MLLT1: variants seen among roughly 807,000 people sequenced by gnomAD.
The protein encoded by MLLT1 is protein ENL.
Under a neutral mutation model 55.1 loss-of-function variants are expected in MLLT1, and 11 were observed. That is an observed-to-expected ratio of 0.20 (90% CI 0.13 to 0.33). The LOEUF (loss-of-function observed/expected upper bound fraction) is 0.33. Ranked by LOEUF, MLLT1 falls within the 10% of genes least tolerant of loss-of-function variation. MLLT1 has a pLI of 1.00. For missense variants in MLLT1, 536 were observed against 760.6 expected, an observed-to-expected ratio of 0.70 and a Z score of 3.47; for synonymous variants, 323 against 320.1, an observed-to-expected ratio of 1.01 and a Z score of -0.10.
At position 6,213,739 on chromosome 19, in the gene MLLT1, C is replaced by T. The variant is rs754335964; in HGVS notation, c.1466G>A (p.Gly489Asp). The change falls in exon 10 of 12, where the codon GGC becomes GAC. Residue 489 changes from glycine to aspartate, a missense_variant. Gly to Asp is a moderately conservative substitution (Grantham distance 94). Transcript: ENST00000252674. ...GTGCCCCCCCACCTTGTCGTAGGTGCCCTTCTTGAGGATCTTCTCAGGCTT... is the reference window on the plus strand; with the variant it reads ...GTGCCCCCCCACCTTGTCGTAGGTGTCCTTCTTGAGGATCTTCTCAGGCTT... The part of the protein sequence containing the change: ...CSKPEKILKK[G>D]TYDKAYTDEL... 2.0e-6 allele frequency: 3 copies of T among 1,519,594 alleles called. No homozygotes were observed. The highest frequency in any genetic ancestry group is 2.7e-6 in the Non-Finnish European group (3 of 1,126,766). The allele number at this position is 1,519,594 out of a possible 1,614,324, so 94.1% of individuals were successfully genotyped here. A position where few individuals can be genotyped will look rare whatever the true frequency, so the allele number is the denominator to read the frequency against.
At chr19:6,268,983 G>T (rs1366661440) in intron 2 of MLLT1, among the ~76,000 whole-genome samples, 1 of 152,226 alleles carries the variant, frequency 6.6e-6, no homozygotes, top group Non-Finnish European at 1.5e-5. Flanking sequence ...GGAAATCAGC[G>T]TCCGGGGCCC....
intron 3 of MLLT1, among the ~76,000 whole-genome samples, chr19:6,247,207 T>C (rs1388931466): frequency 6.6e-6 from 1 of 152,190 alleles, no homozygotes. Flanking sequence ...GGTGGTTTCC[T>C]AGCTCTGTCA....
intron 8 of MLLT1, 89 bp downstream of exon 8, chr19:6,216,315 AC>A (rs2090842769): frequency 1.0e-6 from 1 of 982,222 alleles, no homozygotes; most frequent in Non-Finnish European, 1.6e-6. Flanking sequence ...TCCAGTCCCA[AC>A]CCCACCTGCA....
intron 5 of MLLT1, among the ~76,000 whole-genome samples, chr19:6,225,452 T>C (rs144219594): frequency 0.018 from 2,709 of 152,294 alleles, 38 homozygotes; most frequent in Middle Eastern, 0.051. Context: ...AGAGGCCGGT[T>C]CATGGGCCTG....
chr19:6,230,398 G>A lies in MLLT1; in HGVS notation c.420+172C>T, dbSNP rs2233190. Among the ~76,000 whole-genome samples the A allele has an allele frequency of 1.9e-3, 292 of 152,284 alleles. 2 individuals are homozygous for A. Among genetic ancestry groups the A allele is most frequent in the African/African-American group, 6.2e-3 (259 of 41,574 alleles). On this transcript the variant is annotated intron_variant, in intron 4 of 11. Transcript: ENST00000252674. This position sits in a 1 kb window ranked among gnomAD's most constrained non-coding sequence, Gnocchi z 9.0. ...GAGTCACCTGCAGCCACCACGCCCC[G>A]GCACAGGTTGTGGAGCTCCCAGGTC...
intron 3 of MLLT1, among the ~76,000 whole-genome samples, chr19:6,257,556 T>C (rs980805441): frequency 1.3e-5 from 2 of 152,140 alleles, no homozygotes; most frequent in African/African-American, 4.8e-5. Flanking sequence ...ATCCCAGCAC[T>C]TTGGGAGGCC....
At chr19:6,213,298 C>T in intron 11 of MLLT1, 39 bp downstream of exon 11, 1 of 1,611,354 alleles carries the variant, frequency 6.2e-7, no homozygotes, top group South Asian at 1.1e-5. Flanking sequence ...TCACAGGCAC[C>T]CCGACCTCTG....
intron 3 of MLLT1, among the ~76,000 whole-genome samples, chr19:6,257,836 C>T (rs1302220766): frequency 2.0e-5 from 3 of 152,126 alleles, no homozygotes; most frequent in Non-Finnish European, 4.4e-5. Flanking sequence ...ATGGATATAT[C>T]TAGACATTTC....
chr19:6,218,591 G>T (rs899275993), intron 6 of MLLT1, among the ~76,000 whole-genome samples: 1 of 152,224 alleles, frequency 6.6e-6, no homozygotes, highest in African/African-American at 2.4e-5. Flanking sequence ...GTGCACAGGG[G>T]ACAGAAGCCA....
intron 3 of MLLT1, among the ~76,000 whole-genome samples, chr19:6,243,210 C>A (rs960914967): frequency 6.6e-6 from 1 of 152,190 alleles, no homozygotes; most frequent in African/African-American, 2.4e-5. Context: ...AGTCCCAGCC[C>A]GAGCAGGGCC....
intron 6 of MLLT1, among the ~76,000 whole-genome samples, chr19:6,218,274 G>C (rs1248570992): frequency 6.6e-6 from 1 of 152,240 alleles, no homozygotes; most frequent in Non-Finnish European, 1.5e-5. Context: ...TGGATGTCTG[G>C]GTTTCCGGTA....
intron 3 of MLLT1, among the ~76,000 whole-genome samples, chr19:6,233,421 G>C (rs3787057): frequency 1.3e-5 from 2 of 152,148 alleles, no homozygotes; most frequent in East Asian, 1.9e-4. Context: ...GGAAAGCCCT[G>C]ATCTCAGAAA....
In MLLT1 at chr19:6,212,549, C is replaced by T. The variant is rs2090787844; in HGVS notation, c.*493G>A. The T allele has an allele frequency of 7.4e-6, 8 of 1,079,780 alleles. No homozygotes were observed. Among genetic ancestry groups the T allele is most frequent in the Non-Finnish European group, 6.7e-6 (6 of 889,646 alleles). 66.9% of individuals were successfully genotyped at this position (1,079,780 alleles called of 1,614,324 possible). ...GCAGCGCGAGCCGGGGAGGAGCCGG[C>T]GCTAGGTCTACACGGAGGACGACGC... On this transcript the variant is annotated 3_prime_UTR_variant, in exon 12 of 12. Transcript: ENST00000252674.
chr19:6,261,868 T>C, intron 3 of MLLT1, among the ~76,000 whole-genome samples: 1 of 152,192 alleles, frequency 6.6e-6, no homozygotes, highest in Non-Finnish European at 1.5e-5. Context: ...TGCTATTTCC[T>C]GATCTCAGTC....
chr19:6,259,748 C>T (rs934284234), intron 3 of MLLT1: 1 of 141,288 alleles, frequency 7.1e-6, no homozygotes, highest in African/African-American at 2.8e-5. Flanking sequence ...GGCCCAGCTA[C>T]GCGGCTTCTG....
chr19:6,237,004 G>A (rs1320915333), intron 3 of MLLT1, among the ~76,000 whole-genome samples: 4 of 152,266 alleles, frequency 2.6e-5, no homozygotes, highest in African/African-American at 9.6e-5. Context: ...TCTGGCCTCG[G>A]GAAACTAAGA....
chr19:6,253,248 G>A, intron 3 of MLLT1, among the ~76,000 whole-genome samples: 1 of 110,180 alleles, frequency 9.1e-6, no homozygotes, highest in East Asian at 3.0e-4. Flanking sequence ...CTGGGCGACA[G>A]AGCGAGACCC....
intron 3 of MLLT1, among the ~76,000 whole-genome samples, chr19:6,245,893 C>G (rs2091163554): frequency 6.6e-6 from 1 of 151,704 alleles, no homozygotes. Flanking sequence ...ACAGTAAGGC[C>G]CTGTCTCAAA....
intron 7 of MLLT1, among the ~76,000 whole-genome samples, chr19:6,217,180 C>T (rs2090853303): frequency 6.6e-6 from 1 of 152,140 alleles, no homozygotes; most frequent in African/African-American, 2.4e-5. Context: ...GCTTCAAGGG[C>T]CCCATCCCCC....
Sources: gnomAD v4.1 joint callset for allele counts (sites outside exome capture counted in the v4.1 genomes callset) on GRCh38, gnomAD v4.1.1 for gene constraint, Gnocchi (gnomAD v3.1) non-coding constraint, MANE v1.5 for transcripts, NCBI Gene and HGNC (gene_info 2026-07-23, HGNC 2026-07-21) for gene names.